Variants in TAF4B observed in about 807,000 individuals in gnomAD.
The protein encoded by TAF4B is TATA-box binding protein associated factor 4b, also known as transcription initiation factor TFIID subunit 4B.
In TAF4B, 38 loss-of-function variants were observed where a neutral mutation model predicts 86.4. The ratio of observed to expected loss-of-function variants is 0.44; its 90% confidence interval spans 0.34 to 0.58. The LOEUF is 0.58. TAF4B is among the 20% of genes least tolerant of loss of function. The pLI is 0.02. For synonymous variants in TAF4B, 388 were observed against 391.2 expected (o/e 0.99, Z 0.10); for missense variants, 988 against 1,027.6 (o/e 0.96, Z 0.53).
chr18:26,276,801 T>C (rs1243927954), intron 5 of TAF4B, among the ~76,000 whole-genome samples: 1 of 152,200 alleles, frequency 6.6e-6, no homozygotes, highest in East Asian at 1.9e-4. Context: ...AATGGAATAC[T>C]CTAGATGAAG....
In TAF4B at chr18:26,239,565, A is replaced by T. The variant is rs577668228; in HGVS notation, c.343+12289A>T. Among the ~76,000 whole-genome samples the T allele has an allele frequency of 2.1e-3, 327 of 152,186 alleles. 1 individual carries two copies. Among genetic ancestry groups the T allele is most frequent in the African/African-American group, 7.3e-3 (305 of 41,540 alleles). On this transcript the variant is annotated intron_variant, in intron 1 of 14. Transcript: ENST00000269142. ...CTGTTCACTCTGATGGTAGTTTCTT[A>T]TGCTGTGCAGAAGCTCTTTAGTTTA...
rs145149900 is a variant in TAF4B, at chr18:26,384,068, C to G, written c.2422-5777C>G. ...TCAGTTTTTTTTCTTTTTTCTGGAG[C>G]CAAGTCTTCATTCTACTCCCTATTT... On this transcript the variant is annotated intron_variant, in intron 14 of 14. Coordinates refer to ENST00000269142, the MANE Select transcript of TAF4B (RefSeq NM_005640.3). Among the ~76,000 whole-genome samples the G allele has an allele frequency of 3.9e-5, 6 of 152,154 alleles. No individual in the cohort carries two copies. The East Asian group carries it at 9.7e-4, about 24-fold the overall frequency.
chr18:26,232,364 A>G lies in TAF4B; in HGVS notation c.343+5088A>G, dbSNP rs550729460. On this transcript the variant is annotated intron_variant, in intron 1 of 14. Coordinates refer to ENST00000269142, the MANE Select transcript of TAF4B (RefSeq NM_005640.3). ...GGAGGTGAATTCTCTAGGCCAGTCA[A>G]AGGGCCAGTGGGTTGGTCCAGGGGT... 7.2e-5 allele frequency among the ~76,000 whole-genome samples: 11 copies of G among 152,324 alleles called. No homozygotes were observed. The South Asian group carries it at 1.7e-3, about 23-fold the overall frequency.
At chr18:26,321,318 G>C (rs1357049995) in intron 11 of TAF4B, 118 bp downstream of exon 11, 2 of 1,038,866 alleles carry the variant, frequency 1.9e-6, no homozygotes, top group Non-Finnish European at 2.7e-6. Context: ...TTTCATATTA[G>C]TGGAAAATCA....
At chr18:26,341,686 C>G (rs888151899) in intron 13 of TAF4B, among the ~76,000 whole-genome samples, 3 of 151,820 alleles carry the variant, frequency 2.0e-5, no homozygotes, top group Admixed American at 1.3e-4. Flanking sequence ...TAATAACCAG[C>G]CTTAGTGGTT....
In TAF4B at chr18:26,346,819, GTGTGTA is replaced by G. The variant is rs796099699; in HGVS notation, c.2317-10869_2317-10864del. On this transcript the variant is annotated intron_variant, in intron 13 of 14. Transcript: ENST00000269142. ...TATATGTGTATATATATATATATGT[GTGTGTA>G]TATATATATATGTGTGTGTGTATAT... 8.5e-3 allele frequency among the ~76,000 whole-genome samples: 150 copies of G among 17,674 alleles called. 10 individuals carry two copies. Among genetic ancestry groups the G allele is most frequent in the Non-Finnish European group, 0.018 (104 of 5,734 alleles). 11.6% of individuals were successfully genotyped at this position (17,674 alleles called of 152,430 possible). A position where few individuals can be genotyped will look rare whatever the true frequency, so the allele number is the denominator to read the frequency against.
At position 26,285,223 on chromosome 18, in the gene TAF4B, T is replaced by TTTTTTTTTTG. The variant is rs1555677509; in HGVS notation, c.973-650_973-649insGTTTTTTTTT. The stretch of plus-strand genomic sequence containing the variant: ...TTTCTTCCTTTCCTTTTTTTTTTTG[T>TTTTTTTTTTG]TTTTTTTTTTTTTGGAGATGGGGTC... On this transcript the variant is annotated intron_variant, in intron 6 of 14. Transcript: ENST00000269142. Among the ~76,000 whole-genome samples the TTTTTTTTTTG allele has an allele frequency of 5.9e-4, 46 of 78,268 alleles. 1 individual carries two copies. The highest frequency in any genetic ancestry group is 3.9e-3 in the African/African-American group (45 of 11,542). 51.3% of individuals were successfully genotyped at this position (78,268 alleles called of 152,430 possible). A position where few individuals can be genotyped will look rare whatever the true frequency, so the allele number is the denominator to read the frequency against.
At position 26,250,580 on chromosome 18, in the gene TAF4B, G is replaced by A. The variant is rs147590292; in HGVS notation, c.344-14590G>A. Among the ~76,000 whole-genome samples the A allele has an allele frequency of 4.9e-4, 74 of 152,194 alleles. No individual in the cohort carries two copies. In the East Asian group the frequency reaches 0.014, roughly 29 times the overall value. On this transcript the variant is annotated intron_variant, in intron 1 of 14. Transcript: ENST00000269142. The stretch of plus-strand genomic sequence containing the variant: ...GCTGGTTTTGAACTCCTGAGCTGAA[G>A]CGATCCACCCACCTCAGCCTTCCAA...
intron 13 of TAF4B, among the ~76,000 whole-genome samples, chr18:26,353,262 A>G (rs1676993): frequency 0.35 from 53,807 of 152,128 alleles, 11,661 homozygotes; most frequent in East Asian, 0.81. Flanking sequence ...TACCATGACT[A>G]TGTATATTAT....
intron 9 of TAF4B, among the ~76,000 whole-genome samples, chr18:26,307,835 T>G (rs1447136177): frequency 1.3e-5 from 2 of 152,176 alleles, no homozygotes; most frequent in Non-Finnish European, 2.9e-5. Context: ...TGTTTGTCCT[T>G]GTGTATGCTC....
At chr18:26,244,127 T>C (rs1003625463) in intron 1 of TAF4B, among the ~76,000 whole-genome samples, 1 of 152,268 alleles carries the variant, frequency 6.6e-6, no homozygotes, top group Non-Finnish European at 1.5e-5. Context: ...TGTTTATGTC[T>C]GCAGAAGTTT....
At chr18:26,231,323 G>A (rs1180008212) in intron 1 of TAF4B, among the ~76,000 whole-genome samples, 3 of 141,334 alleles carry the variant, frequency 2.1e-5, no homozygotes, top group African/African-American at 7.9e-5. Flanking sequence ...GATTACAGAT[G>A]TGAGCCACCC....
At chr18:26,277,629 A>G (rs2056399002) in intron 5 of TAF4B, among the ~76,000 whole-genome samples, 1 of 151,474 alleles carries the variant, frequency 6.6e-6, no homozygotes, top group Admixed American at 6.6e-5. Flanking sequence ...TCTTGTGAAG[A>G]GAGGTGGTTG....
intron 12 of TAF4B, among the ~76,000 whole-genome samples, chr18:26,330,598 G>T (rs2057042354): frequency 6.6e-6 from 1 of 152,096 alleles, no homozygotes; most frequent in African/African-American, 2.4e-5. Flanking sequence ...TCTAGGAAAT[G>T]TATATATGGT....
intron 7 of TAF4B, among the ~76,000 whole-genome samples, chr18:26,290,550 G>T (rs532286959): frequency 5.3e-5 from 8 of 152,274 alleles, no homozygotes; most frequent in African/African-American, 1.4e-4. Flanking sequence ...TATTTTTTGT[G>T]TACTGTTGCT....
At chr18:26,357,920 C>T in intron 14 of TAF4B, 126 bp downstream of exon 14, 3 of 579,646 alleles carry the variant, frequency 5.2e-6, no homozygotes, top group Non-Finnish European at 8.3e-6. Flanking sequence ...TAAAATTCAT[C>T]TTTGCCAATT....
chr18:26,350,053 A>G (rs1217852630), intron 13 of TAF4B, among the ~76,000 whole-genome samples: 1 of 152,178 alleles, frequency 6.6e-6, no homozygotes, highest in African/African-American at 2.4e-5. Context: ...ACCCTATTAA[A>G]AAGTCAAATG....
intron 9 of TAF4B, among the ~76,000 whole-genome samples, chr18:26,310,664 A>AGT (rs2056845340): frequency 6.6e-6 from 1 of 152,240 alleles, no homozygotes; most frequent in Admixed American, 6.5e-5. Flanking sequence ...CATTTATTTG[A>AGT]GTAGGTAATG....
chr18:26,296,662 G>A (rs1239953922), intron 9 of TAF4B, among the ~76,000 whole-genome samples: 1 of 152,064 alleles, frequency 6.6e-6, no homozygotes, highest in African/African-American at 2.4e-5. Flanking sequence ...AAGTATCACT[G>A]TCAGGATACA....
Sources: allele counts gnomAD v4.1 joint callset (sites outside exome capture counted in the v4.1 genomes callset), GRCh38; gene constraint gnomAD v4.1.1; transcripts MANE v1.5; gene names NCBI Gene and HGNC (gene_info 2026-07-23, HGNC 2026-07-21).